Variants in COL5A2 observed in about 807,000 individuals in gnomAD.
The protein encoded by COL5A2 is collagen alpha-2(V) chain.
COL5A2 carries 23 observed loss-of-function variants against 208.2 expected under a neutral mutation model. The observed-to-expected ratio is 0.11, with a 90% CI of 0.08 to 0.16. The LOEUF is 0.16. COL5A2 is among the 10% of genes least tolerant of loss of function. COL5A2 has a pLI of 1.00. For missense variants in COL5A2, 1,590 were observed against 1,956.4 expected (o/e 0.81, Z 3.53); for synonymous variants, 625 against 628.5 (o/e 0.99, Z 0.08).
At chr2:189,232,948 C>T in the COL5A2 span, among the ~76,000 whole-genome samples, 1 of 151,740 alleles carries the variant, frequency 6.6e-6, no homozygotes, top group Non-Finnish European at 1.5e-5. Flanking sequence ...GAGAAAAATG[C>T]TTTCTGCTGA....
At chr2:189,318,267 G>T in the COL5A2 span, among the ~76,000 whole-genome samples, 1 of 152,142 alleles carries the variant, frequency 6.6e-6, no homozygotes, top group Non-Finnish European at 1.5e-5. Flanking sequence ...GTTAAAGTAT[G>T]ACAAGGGGAT....
intron 1 of COL5A2, among the ~76,000 whole-genome samples, chr2:189,127,726 T>C (rs1387308602): frequency 6.6e-6 from 1 of 151,922 alleles, no homozygotes; most frequent in Non-Finnish European, 1.5e-5. Context: ...AGCACAGAGG[T>C]TCCCAGATTT....
chr2:189,055,544 C>T (rs560584352), intron 35 of COL5A2, among the ~76,000 whole-genome samples: 124 of 152,098 alleles, frequency 8.2e-4, no homozygotes, highest in Non-Finnish European at 1.4e-3. Flanking sequence ...TTCTTATAGT[C>T]TCTGGATCTA....
chr2:189,172,948 T>C (rs1688600160), intron 1 of COL5A2, among the ~76,000 whole-genome samples: 1 of 147,750 alleles, frequency 6.8e-6, no homozygotes, highest in Admixed American at 6.8e-5. Context: ...TTAATTAATA[T>C]TGTTAACATT....
the COL5A2 span, among the ~76,000 whole-genome samples, chr2:189,316,082 C>A: frequency 1.3e-5 from 2 of 152,078 alleles, no homozygotes; most frequent in Admixed American, 6.5e-5. Flanking sequence ...GACAGAAATA[C>A]CATTCAACTC....
the COL5A2 span, among the ~76,000 whole-genome samples, chr2:189,314,368 A>T: frequency 1.3e-5 from 2 of 152,226 alleles, no homozygotes; most frequent in African/African-American, 4.8e-5. Flanking sequence ...TTAAGGCAGA[A>T]ATCAACAAGT....
intron 1 of COL5A2, among the ~76,000 whole-genome samples, chr2:189,111,363 G>A (rs1201844172): frequency 1.3e-5 from 2 of 152,054 alleles, no homozygotes; most frequent in Non-Finnish European, 2.9e-5. Context: ...AACATAATGT[G>A]GATCAAATCA....
At chr2:189,392,021 G>A in the COL5A2 span, among the ~76,000 whole-genome samples, 1 of 152,036 alleles carries the variant, frequency 6.6e-6, no homozygotes, top group African/African-American at 2.4e-5. Flanking sequence ...AAAACATTTT[G>A]CCATGGTAAT....
intron 1 of COL5A2, among the ~76,000 whole-genome samples, chr2:189,139,560 G>A (rs1005677044): frequency 6.6e-6 from 1 of 152,064 alleles, no homozygotes; most frequent in East Asian, 1.9e-4. Flanking sequence ...TCCTGTGAGG[G>A]ATCCTGGAAC....
chr2:189,272,849 G>A, the COL5A2 span, among the ~76,000 whole-genome samples: 1 of 152,092 alleles, frequency 6.6e-6, no homozygotes, highest in African/African-American at 2.4e-5. Flanking sequence ...ACATGGATAA[G>A]TAACACAGAT....
chr2:189,082,189 T>G (rs1378302710), intron 12 of COL5A2, among the ~76,000 whole-genome samples: 4 of 152,234 alleles, frequency 2.6e-5, no homozygotes, highest in African/African-American at 9.6e-5. Flanking sequence ...AAAATCCTTC[T>G]GCTCTGCAAA....
upstream of COL5A2, among the ~76,000 whole-genome samples, chr2:189,226,447 TAGA>T (rs1299527489): frequency 3.9e-5 from 6 of 152,040 alleles, no homozygotes; most frequent in Non-Finnish European, 8.8e-5. Context: ...TTGAAGCAAG[TAGA>T]AGAATTTTTG....
At position 189,110,264 on chromosome 2, in the gene COL5A2, C is replaced by T. The variant is rs1200990468; in HGVS notation, c.283G>A (p.Val95Ile). The change falls in exon 2 of 54, where the codon GTC (valine) becomes ATC (isoleucine). Residue 95 changes from valine to isoleucine, a missense_variant. Coordinates refer to ENST00000374866, the MANE Select transcript of COL5A2 (RefSeq NM_000393.5). ...CCACCTCCAGGTGTTTGTGAACAGA[C>T]AGGACAGCATTCCCCAGGGGGCGTT... is the stretch of plus-strand genomic sequence containing the variant. ...PVTPPGECCP[V>I]CSQTPGGGNT... The T allele has an allele frequency of 6.2e-7, 1 of 1,614,096 alleles. No homozygotes were observed. The highest frequency in any genetic ancestry group is 8.5e-7 in the Non-Finnish European group (1 of 1,180,002).
chr2:189,097,683 C>A (rs1057139892), intron 5 of COL5A2: 6 of 490,742 alleles, frequency 1.2e-5, no homozygotes, highest in African/African-American at 1.2e-4. Flanking sequence ...AGCACAAAAA[C>A]TTACAATTCT....
intron 1 of COL5A2, chr2:189,132,997 T>A (rs1576547215): frequency 6.5e-6 from 1 of 153,372 alleles, no homozygotes; most frequent in African/African-American, 2.4e-5. Flanking sequence ...TGGGGAGATA[T>A]AAGCAATTTC....
chr2:189,427,888 C>T, the COL5A2 span, among the ~76,000 whole-genome samples: 3 of 152,110 alleles, frequency 2.0e-5, no homozygotes, highest in Non-Finnish European at 4.4e-5. Context: ...TTGCATGGGG[C>T]CTGTAGCCCC....
At chr2:189,334,867 TA>T in the COL5A2 span, among the ~76,000 whole-genome samples, 1 of 151,990 alleles carries the variant, frequency 6.6e-6, no homozygotes, top group Non-Finnish European at 1.5e-5. Context: ...GATGTTGACA[TA>T]ACAATATATA....
At chr2:189,154,390 T>TCA (rs1359945069) in intron 1 of COL5A2, among the ~76,000 whole-genome samples, 1 of 152,210 alleles carries the variant, frequency 6.6e-6, no homozygotes, top group Non-Finnish European at 1.5e-5. Context: ...GCTAGGAGAA[T>TCA]CATAATTCAT....
chr2:189,370,096 C>A, the COL5A2 span, among the ~76,000 whole-genome samples: 20 of 152,156 alleles, frequency 1.3e-4, no homozygotes, highest in Non-Finnish European at 1.5e-4. Flanking sequence ...CACCAAATGA[C>A]TCCCTGTTGC....
Sources: gnomAD v4.1 joint callset for allele counts (sites outside exome capture counted in the v4.1 genomes callset) on GRCh38, gnomAD v4.1.1 for gene constraint, MANE v1.5 for transcripts, NCBI Gene and HGNC (gene_info 2026-07-23, HGNC 2026-07-21) for gene names.